Variants in SLC27A6 observed in about 807,000 individuals in gnomAD.
SLC27A6 encodes solute carrier family 27 member 6, also known as long-chain fatty acid transport protein 6.
A neutral mutation model predicts 63.9 loss-of-function variants in SLC27A6; 74 were observed. The ratio of observed to expected loss-of-function variants is 1.16; its 90% CI spans 0.96 to 1.40. The LOEUF is 1.40. Among genes scored for constraint, SLC27A6 ranks in the 40% most tolerant of loss-of-function variants. SLC27A6 has a pLI of 0.00. For missense variants in SLC27A6, 794 were observed against 732.9 expected, an observed-to-expected ratio of 1.08 and a Z score of -0.96; for synonymous variants, 287 against 260.8, an observed-to-expected ratio of 1.10 and a Z score of -0.97.
intron 4 of SLC27A6, 118 bp downstream of exon 4, chr5:128,990,582 T>C: frequency 9.2e-7 from 1 of 1,091,076 alleles, no homozygotes; most frequent in South Asian, 1.7e-5. Context: ...TCTTTGTTCT[T>C]AGAGCTTCCA....
intron 4 of SLC27A6, among the ~76,000 whole-genome samples, chr5:129,011,133 G>A (rs1390499960): frequency 1.3e-5 from 2 of 152,126 alleles, no homozygotes; most frequent in Admixed American, 6.5e-5. Context: ...GTGTCTTTTG[G>A]CAGATTTATG....
intron 1 of SLC27A6, among the ~76,000 whole-genome samples, chr5:128,983,242 G>A (rs1320479004): frequency 6.8e-6 from 1 of 147,894 alleles, no homozygotes; most frequent in African/African-American, 2.5e-5. Flanking sequence ...TGCTTTAGGT[G>A]TAAAGGTCCA....
chr5:129,017,586 AT>A (rs1751945228), intron 5 of SLC27A6, among the ~76,000 whole-genome samples: 1 of 152,136 alleles, frequency 6.6e-6, no homozygotes, highest in South Asian at 2.1e-4. Flanking sequence ...GAATACAAAA[AT>A]AAATAGAAAT....
chr5:129,001,451 CTTA>C (rs920398717), intron 4 of SLC27A6, among the ~76,000 whole-genome samples: 7 of 152,204 alleles, frequency 4.6e-5, no homozygotes, highest in Admixed American at 6.5e-5. Flanking sequence ...TTTTATCTTT[CTTA>C]TTATTACATA....
chr5:128,987,498 C>T (rs750028558), intron 2 of SLC27A6, among the ~76,000 whole-genome samples: 23 of 150,920 alleles, frequency 1.5e-4, no homozygotes, highest in Non-Finnish European at 2.5e-4. Context: ...CCAATACAAA[C>T]GAAAGATAAA....
intron 4 of SLC27A6, among the ~76,000 whole-genome samples, chr5:128,995,480 A>T (rs1000240653): frequency 6.6e-5 from 10 of 152,230 alleles, no homozygotes; most frequent in African/African-American, 2.4e-4. Flanking sequence ...ACAGACAATG[A>T]CAAAGGTTAT....
intron 4 of SLC27A6, among the ~76,000 whole-genome samples, chr5:128,997,318 A>G (rs1311421184): frequency 2.6e-5 from 4 of 152,148 alleles, no homozygotes; most frequent in Admixed American, 6.6e-5. Context: ...TATTTGAAGC[A>G]TATTATATGG....
intron 5 of SLC27A6, among the ~76,000 whole-genome samples, 191 bp from the exon 6 acceptor site, chr5:129,023,429 A>C (rs899265589): frequency 6.6e-6 from 1 of 152,136 alleles, no homozygotes; most frequent in African/African-American, 2.4e-5. Flanking sequence ...CTGTTTACTA[A>C]TACCTTTAGT....
intron 5 of SLC27A6, among the ~76,000 whole-genome samples, chr5:129,023,076 A>G (rs1192818673): frequency 1.3e-5 from 2 of 152,136 alleles, no homozygotes; most frequent in African/African-American, 2.4e-5. Flanking sequence ...GGAGCGTTAC[A>G]GTGAAAGGCT....
At chr5:129,000,155 G>A (rs1261145664) in intron 4 of SLC27A6, among the ~76,000 whole-genome samples, 13 of 152,136 alleles carry the variant, frequency 8.5e-5, no homozygotes, top group Admixed American at 7.9e-4. Flanking sequence ...GAGCAGTCAC[G>A]CATGAAGAAT....
rs895736494 is a variant in SLC27A6, at chr5:128,985,000, A to G, written c.482-133A>G. ...GGAACCATAAAATGACTGTGATATT[A>G]CTTATCCAACATAAGAAGGAAATCA... On this transcript the variant is annotated intron_variant, in intron 1 of 9. Coordinates refer to ENST00000262462, the MANE Select transcript of SLC27A6 (RefSeq NM_001017372.3). 4.4e-5 allele frequency: 29 copies of G among 656,522 alleles called. No individual in the cohort carries two copies. The Admixed American group carries it at 8.1e-4, about 18-fold the overall frequency. The allele number at this position is 656,522 out of a possible 1,614,324, so 40.7% of individuals were successfully genotyped here.
intron 4 of SLC27A6, among the ~76,000 whole-genome samples, chr5:129,007,463 AAATAT>A (rs1240260890): frequency 1.2e-4 from 16 of 136,516 alleles, no homozygotes; most frequent in African/African-American, 4.0e-4. Context: ...AAAAAAAAAA[AAATAT>A]AATGTTAAAA....
Position 128,990,364 on chromosome 5 carries a change from A to T in SLC27A6, c.869A>T (p.Lys290Ile), listed in dbSNP as rs1263090638. 7 of 1,613,786 alleles carry T rather than the reference A, an allele frequency of 4.3e-6. No homozygotes were observed. The East Asian group carries it at 1.6e-4, about 36-fold the overall frequency. ...ELGATCVLKKKFSASQFWSDC... is the reference protein window; with the variant it reads ...ELGATCVLKKIFSASQFWSDC... Reference sequence around the variant, plus strand: ...GGTGCCACTTGTGTGTTAAAGAAGAAATTTTCAGCAAGCCAGTTTTGGAGT... The same window carrying T: ...GGTGCCACTTGTGTGTTAAAGAAGATATTTTCAGCAAGCCAGTTTTGGAGT... Residue 290 changes from lysine to isoleucine, a missense_variant, in exon 4 of 10, where the codon AAA becomes ATA. Physicochemically the swap from Lys to Ile is moderately radical, Grantham distance 102. Transcript: ENST00000262462.
In SLC27A6 at chr5:128,983,289, G is replaced by GTTTTTT. The variant is rs1195794733; in HGVS notation, c.482-1829_482-1824dup. ...ACAGAACTTGAGCATTCTGATCCGG[G>GTTTTTT]TTTTTTTTTTTTTTTTTTTTGAGAC... On this transcript the variant is annotated intron_variant, in intron 1 of 9. Coordinates refer to ENST00000262462, the MANE Select transcript of SLC27A6 (RefSeq NM_001017372.3). 8.9e-4 allele frequency among the ~76,000 whole-genome samples: 99 copies of GTTTTTT among 111,094 alleles called. 7 individuals are homozygous for GTTTTTT. The highest frequency in any genetic ancestry group is 9.6e-4 in the African/African-American group (28 of 29,228). The allele number at this position is 111,094 out of a possible 152,430, so 72.9% of individuals were successfully genotyped here.
At chr5:129,032,396 A>T (rs980742244) in intron 9 of SLC27A6, among the ~76,000 whole-genome samples, 1 of 152,068 alleles carries the variant, frequency 6.6e-6, no homozygotes, top group Non-Finnish European at 1.5e-5. Context: ...GCCTGATTTC[A>T]TGTTCCATGA....
intron 1 of SLC27A6, among the ~76,000 whole-genome samples, chr5:128,969,841 C>G (rs1750069366): frequency 1.3e-5 from 2 of 152,250 alleles, no homozygotes; most frequent in African/African-American, 2.4e-5. Flanking sequence ...TGTCTTGTGC[C>G]AGTTTTCAAA....
At chr5:129,020,494 G>GC (rs944614397) in intron 5 of SLC27A6, among the ~76,000 whole-genome samples, 1 of 126,378 alleles carries the variant, frequency 7.9e-6, no homozygotes, top group Admixed American at 9.9e-5. Context: ...AAATGGGAGT[G>GC]GGGGGGAGGA....
At chr5:128,980,165 G>A (rs1262349975) in intron 1 of SLC27A6, among the ~76,000 whole-genome samples, 3 of 152,096 alleles carry the variant, frequency 2.0e-5, no homozygotes, top group Non-Finnish European at 4.4e-5. Flanking sequence ...CTCATTGTAT[G>A]TCCTCATCAT....
chr5:129,033,203 T>C lies in SLC27A6; in HGVS notation c.1781T>C (p.Met594Thr). ...PLKISEPLYFMDNLKKSYVLL... is the reference protein window; with the variant it reads ...PLKISEPLYFTDNLKKSYVLL... ...AAAATTTCTGAACCACTTTACTTCA[T>C]GGATAACTTGAAAAAGTCTTATGTT... is the stretch of plus-strand genomic sequence containing the variant. The change falls in exon 10 of 10, where the codon ATG becomes ACG. Residue 594 changes from methionine (M) to threonine (T), a missense_variant. Physicochemically the swap from Met to Thr is moderately conservative, Grantham distance 81 (BLOSUM62 -1). Coordinates refer to ENST00000262462, the MANE Select transcript of SLC27A6 (RefSeq NM_001017372.3). 1.2e-6 allele frequency: 2 copies of C among 1,603,814 alleles called. No homozygotes were observed. Among genetic ancestry groups the C allele is most frequent in the Non-Finnish European group, 1.7e-6 (2 of 1,174,238 alleles).
Sources: allele counts gnomAD v4.1 joint callset (sites outside exome capture counted in the v4.1 genomes callset), GRCh38; gene constraint gnomAD v4.1.1; transcripts MANE v1.5; gene names NCBI Gene and HGNC (gene_info 2026-07-23, HGNC 2026-07-21).